Variants in RAB22A observed in about 807,000 individuals in gnomAD.
RAB22A encodes ras-related protein Rab-22A.
A neutral mutation model predicts 30.2 loss-of-function variants in RAB22A; 13 were observed. The ratio of observed to expected loss-of-function variants is 0.43; its 90% CI spans 0.28 to 0.68. The LOEUF (loss-of-function observed/expected upper bound fraction) is 0.68. Among genes scored for constraint, RAB22A ranks in the 30% least tolerant of loss-of-function variants. The pLI is 0.18. For synonymous variants in RAB22A, 89 were observed against 87.2 expected, an observed-to-expected ratio of 1.02 and a Z score of -0.11; for missense variants, 177 against 246.8, an observed-to-expected ratio of 0.72 and a Z score of 1.89.
At chr20:58,333,756 C>A (rs1986699191) in intron 2 of RAB22A, among the ~76,000 whole-genome samples, 1 of 152,124 alleles carries the variant, frequency 6.6e-6, no homozygotes, top group South Asian at 2.1e-4. Context: ...AAATCCAACA[C>A]AAGACATAAA....
chr20:58,316,154 A>G (rs1232991902), intron 2 of RAB22A, among the ~76,000 whole-genome samples: 1 of 152,008 alleles, frequency 6.6e-6, no homozygotes, highest in Non-Finnish European at 1.5e-5. Context: ...AAAGTTGCAG[A>G]CTCCAGGGTC....
chr20:58,354,077 T>C, intron 5 of RAB22A, 79 bp from the exon 6 acceptor site: 2 of 951,522 alleles, frequency 2.1e-6, no homozygotes, highest in Non-Finnish European at 3.2e-6. Flanking sequence ...ATCATAAATC[T>C]GGTTAACTAC....
At chr20:58,331,240 A>G (rs949682242) in intron 2 of RAB22A, among the ~76,000 whole-genome samples, 1 of 152,132 alleles carries the variant, frequency 6.6e-6, no homozygotes, top group African/African-American at 2.4e-5. Flanking sequence ...GGATTCCTCC[A>G]AGTTTTTGCT....
chr20:58,355,671 C>T (rs950126053), intron 6 of RAB22A, among the ~76,000 whole-genome samples: 1 of 151,898 alleles, frequency 6.6e-6, no homozygotes. Context: ...ATATAAAAAT[C>T]AAAATACTAG....
At position 58,328,311 on chromosome 20, in the gene RAB22A, A is replaced by G. The variant is rs573985590; in HGVS notation, c.117-15407A>G. ...ATCCTCCCACCTCAGCCTCCCAAGT[A>G]GCTAAGACTACAGGTGCACACCAAC... On this transcript the variant is annotated intron_variant, in intron 2 of 6. Transcript: ENST00000244040. Among the ~76,000 whole-genome samples the G allele has an allele frequency of 1.2e-4, 19 of 152,190 alleles. No homozygotes were observed. In the East Asian group the frequency reaches 3.5e-3, roughly 28 times the overall value.
chr20:58,358,516 G>A (rs925844064), intron 6 of RAB22A, among the ~76,000 whole-genome samples: 3 of 152,048 alleles, frequency 2.0e-5, no homozygotes, highest in African/African-American at 7.2e-5. Flanking sequence ...TCAAAATATT[G>A]GAAACAAACT....
intron 3 of RAB22A, among the ~76,000 whole-genome samples, chr20:58,349,738 C>G (rs1438569459): frequency 6.6e-6 from 1 of 152,040 alleles, no homozygotes; most frequent in African/African-American, 2.4e-5. Context: ...CCAAGTAGAC[C>G]AACCAATCTC....
Position 58,351,669 on chromosome 20 carries a change from CG to C in RAB22A, c.199-1601del, listed in dbSNP as rs1296639597. Among the ~76,000 whole-genome samples, 11 of 152,234 alleles carry C rather than the reference CG, an allele frequency of 7.2e-5. No homozygotes were observed. In the East Asian group the frequency reaches 2.1e-3, roughly 29 times the overall value. On this transcript the variant is annotated intron_variant, in intron 3 of 6. Transcript: ENST00000244040. ...TCTCTACTAAAAATACAAAATTAGCCGGGCGTGGTAGCGCATGCCTGTAATC... is the reference window on the plus strand; with the variant it reads ...TCTCTACTAAAAATACAAAATTAGCCGGCGTGGTAGCGCATGCCTGTAATC...
At chr20:58,319,145 A>G (rs921716505) in intron 2 of RAB22A, among the ~76,000 whole-genome samples, 23 of 150,308 alleles carry the variant, frequency 1.5e-4, no homozygotes, top group Admixed American at 2.7e-4. Context: ...TGACATATGG[A>G]AAAAAAAAAG....
intron 2 of RAB22A, among the ~76,000 whole-genome samples, chr20:58,332,832 C>T (rs187475762): frequency 1.3e-5 from 2 of 151,750 alleles, no homozygotes; most frequent in African/African-American, 2.4e-5. Context: ...TGCTGATAAC[C>T]GGAAATAAAG....
intron 2 of RAB22A, among the ~76,000 whole-genome samples, chr20:58,339,882 G>A (rs1314082081): frequency 6.6e-6 from 1 of 152,174 alleles, no homozygotes; most frequent in Non-Finnish European, 1.5e-5. Flanking sequence ...ATCCATTGTT[G>A]AGTCCTGCTC....
Position 58,359,942 on chromosome 20 carries a change from G to T in RAB22A, c.*239G>T. 1 of 249,014 alleles carries T rather than the reference G, an allele frequency of 4.0e-6. No individual in the cohort carries two copies. The allele number at this position is 249,014 out of a possible 1,614,324, so 15.4% of individuals were successfully genotyped here. A position where few individuals can be genotyped will look rare whatever the true frequency, so the allele number is the denominator to read the frequency against. On this transcript the variant is annotated 3_prime_UTR_variant, in exon 7 of 7. Coordinates refer to ENST00000244040, the MANE Select transcript of RAB22A (RefSeq NM_020673.3). ...CAAAGGGACTACATCGTTGGCTTTTGACCTTGCTGAAAAGGAACATATAAT... is the reference window on the plus strand; with the variant it reads ...CAAAGGGACTACATCGTTGGCTTTTTACCTTGCTGAAAAGGAACATATAAT...
chr20:58,320,407 T>C (rs1022218306), intron 2 of RAB22A, among the ~76,000 whole-genome samples: 2 of 152,202 alleles, frequency 1.3e-5, no homozygotes, highest in Non-Finnish European at 2.9e-5. Context: ...ATCCACTTCT[T>C]ATCCTTTTAA....
At chr20:58,334,731 C>CT (rs11475299) in intron 2 of RAB22A, among the ~76,000 whole-genome samples, 507 of 134,430 alleles carry the variant, frequency 3.8e-3, no homozygotes, top group East Asian at 7.9e-3. Flanking sequence ...CAACTTTGTA[C>CT]TTTTTTTTTT....
chr20:58,321,281 T>C lies in RAB22A; in HGVS notation c.116+10159T>C, dbSNP rs563408060. 5.7e-4 allele frequency among the ~76,000 whole-genome samples: 86 copies of C among 152,178 alleles called. 1 individual carries two copies. Among genetic ancestry groups the C allele is most frequent in the African/African-American group, 2.0e-3 (83 of 41,520 alleles). On this transcript the variant is annotated intron_variant, in intron 2 of 6. Transcript: ENST00000244040. ...GGGGAGGCTGAGGCAGGAGAATTGC[T>C]TGAACCCAGGAGGTAGAGGTTGTAG...
chr20:58,344,818 A>G (rs966694547), intron 3 of RAB22A, among the ~76,000 whole-genome samples: 1 of 152,236 alleles, frequency 6.6e-6, no homozygotes, highest in South Asian at 2.1e-4. Flanking sequence ...CATAGACTCC[A>G]TGCATTTGTA....
chr20:58,313,881 A>G (rs1188827688), intron 2 of RAB22A, among the ~76,000 whole-genome samples: 2 of 152,136 alleles, frequency 1.3e-5, no homozygotes, highest in African/African-American at 4.8e-5. Context: ...ACCAACTTGA[A>G]TAGTTGCAAC....
At chr20:58,331,774 A>G (rs1986664518) in intron 2 of RAB22A, among the ~76,000 whole-genome samples, 1 of 151,934 alleles carries the variant, frequency 6.6e-6, no homozygotes, top group Admixed American at 6.6e-5. Context: ...AAATGTCACA[A>G]CAGAATTTCT....
At chr20:58,353,562 A>G (rs562074144) in intron 5 of RAB22A, 24 bp downstream of exon 5, 2 of 1,501,306 alleles carry the variant, frequency 1.3e-6, no homozygotes, top group South Asian at 2.3e-5. Context: ...ACGAGAGATT[A>G]CAATACCTAT....
Sources: gnomAD v4.1 joint callset for allele counts (sites outside exome capture counted in the v4.1 genomes callset) on GRCh38, gnomAD v4.1.1 for gene constraint, MANE v1.5 for transcripts, NCBI Gene and HGNC (gene_info 2026-07-23, HGNC 2026-07-21) for gene names.